SLC25A14: variants seen among roughly 807,000 people sequenced by gnomAD.
SLC25A14 encodes solute carrier family 25 member 14, also known as brain mitochondrial carrier protein 1.
A neutral mutation model predicts 28.1 loss-of-function variants in SLC25A14; 8 were observed. The observed-to-expected ratio is 0.28, with a 90% CI of 0.17 to 0.51. The LOEUF is 0.51. Among genes scored for constraint, SLC25A14 ranks in the 20% least tolerant of loss-of-function variants. The probability of loss-of-function intolerance (pLI) is 0.97; values close to 1 mark genes in which losing one functional copy is unlikely to be tolerated. For missense variants in SLC25A14, 135 were observed against 263.8 expected, an observed-to-expected ratio of 0.51 and a Z score of 3.38; for synonymous variants, 74 against 90.6, an observed-to-expected ratio of 0.82 and a Z score of 1.04.
chrX:130,342,580 G>T (rs1004563217), intron 2 of SLC25A14, among the ~76,000 whole-genome samples: 24 of 111,689 alleles, frequency 2.1e-4, no homozygotes, highest in African/African-American at 7.5e-4. Flanking sequence ...AATATGAGGA[G>T]GGAGTGTCTA....
chrX:130,352,312 C>T (rs1266039550), intron 6 of SLC25A14, among the ~76,000 whole-genome samples: 3 of 112,181 alleles, frequency 2.7e-5, no homozygotes, highest in Non-Finnish European at 5.6e-5. Context: ...TTTATCCAGT[C>T]CAACGGTGGT....
chrX:130,350,385 T>C (rs192749653), intron 5 of SLC25A14, among the ~76,000 whole-genome samples: 83 of 111,897 alleles, frequency 7.4e-4, no homozygotes, highest in African/African-American at 2.5e-3. Flanking sequence ...CTGATAGTTA[T>C]GTAGAAGAAA....
chrX:130,344,013 C>T (rs1010350914), intron 2 of SLC25A14, among the ~76,000 whole-genome samples: 3 of 112,005 alleles, frequency 2.7e-5, no homozygotes, highest in African/African-American at 9.7e-5. Flanking sequence ...CTGCATTCCT[C>T]ACCATAAACC....
intron 7 of SLC25A14, among the ~76,000 whole-genome samples, chrX:130,362,122 T>TTTAC (rs2033986980): frequency 2.9e-5 from 3 of 104,681 alleles, no homozygotes; most frequent in Non-Finnish European, 5.8e-5. Context: ...TATTTATTTA[T>TTTAC]TTATTTATTT....
At chrX:130,364,476 G>T in intron 7 of SLC25A14, 152 bp from the exon 8 acceptor site, 1 of 302,404 alleles carries the variant, frequency 3.3e-6, no homozygotes. Flanking sequence ...ATTTGTATAT[G>T]TTCCATTATT....
chrX:130,358,729 G>T lies in SLC25A14; in HGVS notation c.588G>T (p.Leu196=), dbSNP rs2033868529. 8.7e-7 allele frequency: 1 copy of T among 1,155,556 alleles called. No homozygotes were observed. Among genetic ancestry groups the T allele is most frequent in the Non-Finnish European group, 1.2e-6 (1 of 847,425 alleles). The part of the protein sequence containing the change: ...DIYQQEGTRG[L]WRGVVPTAQR... ...ACCAACAAGAAGGCACCAGGGGTCTGTGGAGGGTAAGTACTCTTTTCCTGC... is the reference window on the plus strand; with the variant it reads ...ACCAACAAGAAGGCACCAGGGGTCTTTGGAGGGTAAGTACTCTTTTCCTGC... Residue 196 remains leucine (L), a synonymous_variant, in exon 7 of 11, where the codon CTG becomes CTT. Coordinates refer to ENST00000545805, the MANE Select transcript of SLC25A14 (RefSeq NM_001282195.2).
intron 3 of SLC25A14, among the ~76,000 whole-genome samples, chrX:130,345,959 T>A (rs774123748): frequency 7.2e-5 from 8 of 111,806 alleles, no homozygotes; most frequent in Non-Finnish European, 1.3e-4. Context: ...CCAAACACTC[T>A]GCTGGTATTA....
At chrX:130,355,664 T>A (rs2033766806) in intron 6 of SLC25A14, among the ~76,000 whole-genome samples, 1 of 112,271 alleles carries the variant, frequency 8.9e-6, no homozygotes, top group Admixed American at 9.4e-5. Context: ...ATGTTCACAT[T>A]TCCAGACTGT....
At chrX:130,347,007 T>A (rs774173004) in intron 4 of SLC25A14, among the ~76,000 whole-genome samples, 2 of 111,831 alleles carry the variant, frequency 1.8e-5, no homozygotes, top group East Asian at 5.6e-4. Context: ...GTGATATCCC[T>A]CCTGAGTTGG....
At chrX:130,362,178 C>T (rs1452058682) in intron 7 of SLC25A14, among the ~76,000 whole-genome samples, 1 of 107,862 alleles carries the variant, frequency 9.3e-6, no homozygotes, top group Non-Finnish European at 1.9e-5. Context: ...TGCTATGTTG[C>T]CAGGCTGGAG....
chrX:130,362,101 TTTTATTTA>T lies in SLC25A14; in HGVS notation c.595-2483_595-2476del, dbSNP rs756869110. Reference sequence around the variant, plus strand: ...GCATAGCTGTGTCACTTCCACTTCATTTTATTTATTTATTTATTTATTTATTTATTTAT... The same window carrying T: ...GCATAGCTGTGTCACTTCCACTTCATTTTATTTATTTATTTATTTATTTAT... On this transcript the variant is annotated intron_variant, in intron 7 of 10. Coordinates refer to ENST00000545805, the MANE Select transcript of SLC25A14 (RefSeq NM_001282195.2). Among the ~76,000 whole-genome samples, 315 of 95,742 alleles carry T rather than the reference TTTTATTTA, an allele frequency of 3.3e-3. 1 individual carries two copies. The highest frequency in any genetic ancestry group is 7.4e-3 in the African/African-American group (185 of 24,874). 83.1% of individuals were successfully genotyped at this position (95,742 alleles called of 115,157 possible).
At chrX:130,370,941 A>G (rs1318378396) in intron 9 of SLC25A14, among the ~76,000 whole-genome samples, 2 of 111,577 alleles carry the variant, frequency 1.8e-5, no homozygotes, top group Non-Finnish European at 3.8e-5. Flanking sequence ...ATTCTGGCTT[A>G]GGCTGTCTCC....
chrX:130,372,148 T>C (rs2034276561), intron 10 of SLC25A14, among the ~76,000 whole-genome samples: 1 of 112,169 alleles, frequency 8.9e-6, no homozygotes, highest in Non-Finnish European at 1.9e-5. Context: ...TGTGTGGTGT[T>C]GTGTGTATAA....
At chrX:130,354,987 T>G (rs2033745895) in intron 6 of SLC25A14, among the ~76,000 whole-genome samples, 1 of 112,044 alleles carries the variant, frequency 8.9e-6, no homozygotes, top group Non-Finnish European at 1.9e-5. Context: ...CAGGAAAAAT[T>G]TTAAAGTTTA....
chrX:130,340,043 C>A, intron 1 of SLC25A14, 64 bp from the exon 2 acceptor site: 1 of 1,003,990 alleles, frequency 1.0e-6, no homozygotes, highest in Non-Finnish European at 1.3e-6. Flanking sequence ...CGCGCGGGGC[C>A]GGGCTGGCCT....
chrX:130,366,115 A>T (rs190119803), intron 9 of SLC25A14, among the ~76,000 whole-genome samples: 126 of 112,676 alleles, frequency 1.1e-3, no homozygotes, highest in Middle Eastern at 4.6e-3. Flanking sequence ...ATATTCTAAA[A>T]GTATTACATC....
intron 9 of SLC25A14, among the ~76,000 whole-genome samples, chrX:130,371,270 C>T (rs987770067): frequency 9.0e-6 from 1 of 111,596 alleles, no homozygotes; most frequent in Non-Finnish European, 1.9e-5. Flanking sequence ...GTACAAATAA[C>T]TGGAGGTAGG....
At position 130,339,957 on chromosome X, in the gene SLC25A14, C is replaced by A. The variant is rs1332200280; in HGVS notation, c.-192C>A. On this transcript the variant is annotated 5_prime_UTR_variant, in exon 1 of 11. Transcript: ENST00000545805. ...ACTGTGGGAGCCTCAGCTTCCCAGTCGTCCGATGAGCCCGAGCAGGTGAGG... is the reference window on the plus strand; with the variant it reads ...ACTGTGGGAGCCTCAGCTTCCCAGTAGTCCGATGAGCCCGAGCAGGTGAGG... 6 of 856,918 alleles carry A rather than the reference C, an allele frequency of 7.0e-6. No homozygotes were observed. The highest frequency in any genetic ancestry group is 8.5e-6 in the Non-Finnish European group (6 of 706,797). The allele number at this position is 856,918 out of a possible 1,213,427, so 70.6% of individuals were successfully genotyped here.
chrX:130,363,016 A>G (rs920160742), intron 7 of SLC25A14, among the ~76,000 whole-genome samples: 1 of 112,795 alleles, frequency 8.9e-6, no homozygotes, highest in Non-Finnish European at 1.9e-5. Flanking sequence ...GGGAAAATTC[A>G]CATATTATAA....
Sources: allele counts gnomAD v4.1 joint callset (sites outside exome capture counted in the v4.1 genomes callset), GRCh38; gene constraint gnomAD v4.1.1; transcripts MANE v1.5; gene names NCBI Gene and HGNC (gene_info 2026-07-23, HGNC 2026-07-21).